The following LYPLA2 variants were observed in gnomAD, a reference collection of about 807,000 sequenced individuals.
The protein encoded by LYPLA2 is acyl-protein thioesterase 2.
Under a neutral mutation model 30.3 loss-of-function variants are expected in LYPLA2, and 7 were observed. That is an observed-to-expected ratio of 0.23 (90% CI 0.13 to 0.43). The LOEUF is 0.43. Ranked by LOEUF, LYPLA2 falls within the 20% of genes least tolerant of loss-of-function variation. The pLI, the probability that LYPLA2 is intolerant of heterozygous loss-of-function variation, is 1.00. For missense variants in LYPLA2, 206 were observed against 307.9 expected (o/e 0.67, Z 2.48); for synonymous variants, 112 against 118.2 (o/e 0.95, Z 0.34).
rs377182145 is a variant in LYPLA2 at position 23,793,091 on chromosome 1, G to A, written c.110+52G>A. The A allele has an allele frequency of 1.9e-5, 31 of 1,613,304 alleles. No individual in the cohort carries two copies. The South Asian group carries it at 2.0e-4, about 10-fold the overall frequency. On this transcript the variant is annotated intron_variant, in intron 3 of 9. Coordinates refer to ENST00000374514, the MANE Select transcript of LYPLA2 (RefSeq NM_007260.3). This position sits in a 1 kb window ranked among gnomAD's most constrained non-coding sequence, Gnocchi z 6.0. The stretch of plus-strand genomic sequence containing the variant: ...TAAGGAGGGGTCCTGGCCCAGCAGC[G>A]GACTGGAGAGGCCTTCTCTTCCTAC...
intron 1 of LYPLA2, among the ~76,000 whole-genome samples, chr1:23,791,806 G>A (rs1638798104): frequency 1.3e-5 from 2 of 152,182 alleles, no homozygotes; most frequent in Non-Finnish European, 2.9e-5. Flanking sequence ...CGATCCCATT[G>A]TGGGGAGCTG....
At position 23,792,996 on chromosome 1, in the gene LYPLA2, A is replaced by G; in HGVS notation, c.79-12A>G. 6.2e-7 allele frequency: 1 copy of G among 1,611,394 alleles called. No individual in the cohort carries two copies. Among genetic ancestry groups the G allele is most frequent in the Non-Finnish European group, 8.5e-7 (1 of 1,178,458 alleles). ...AAGCCTTCCTGTCTCCCCATTTCCC[A>G]TCCTTTTCCAGGTTATTTTTTTACA... On this transcript the variant is annotated splice_polypyrimidine_tract_variant and intron_variant, in intron 2 of 9. Transcript: ENST00000374514.
At chr1:23,791,598 T>C (rs1430086310) in intron 1 of LYPLA2, among the ~76,000 whole-genome samples, 2 of 152,022 alleles carry the variant, frequency 1.3e-5, no homozygotes, top group African/African-American at 4.8e-5. Flanking sequence ...AAGTTCCCAT[T>C]GTGGGGAGCG....
rs375793667 is a variant in LYPLA2 at position 23,792,500 on chromosome 1, ACTT to A, written c.-26-151_-26-149del. On this transcript the variant is annotated intron_variant, in intron 1 of 9. Transcript: ENST00000374514. ...CCTTTCAGCCCTGGAACTGAGGCAG[ACTT>A]CTTCTCCTGTGCCCTGGGACTTCTT... 299 of 609,608 alleles carry A rather than the reference ACTT, an allele frequency of 4.9e-4. 1 individual carries two copies. The highest frequency in any genetic ancestry group is 4.8e-3 in the African/African-American group (259 of 53,970). The allele number at this position is 609,608 out of a possible 1,614,324, so 37.8% of individuals were successfully genotyped here.
At position 23,793,649 on chromosome 1, in the gene LYPLA2, C is replaced by T; in HGVS notation, c.177-56C>T. The stretch of plus-strand genomic sequence containing the variant: ...GCGCGGCCCCACTCCGGGCTCTGAG[C>T]TCTGGCCTCCTCATTCCTCCTGAGC... On this transcript the variant is annotated intron_variant, in intron 4 of 9. Transcript: ENST00000374514. This position sits in a 1 kb window ranked among gnomAD's most constrained non-coding sequence, Gnocchi z 6.0. The T allele has an allele frequency of 6.3e-7, 1 of 1,578,498 alleles. No individual in the cohort carries two copies. The highest frequency in any genetic ancestry group is 8.7e-7 in the Non-Finnish European group (1 of 1,147,734).
In LYPLA2 at chr1:23,793,886, A is replaced by C. The variant is rs761691670; in HGVS notation, c.251A>C (p.Asp84Ala). 1 of 1,613,976 alleles carries C rather than the reference A, an allele frequency of 6.2e-7. No homozygotes were observed. The highest frequency in any genetic ancestry group is 1.7e-5 in the Admixed American group (1 of 59,998). The change falls in exon 6 of 10, where the codon GAT (aspartate) becomes GCT (alanine). Residue 84 changes from aspartate (D) to alanine (A), a missense_variant. Physicochemically the swap from Asp to Ala is moderately radical, Grantham distance 126. Transcript: ENST00000374514. This position sits in a 1 kb window ranked among gnomAD's most constrained non-coding sequence, Gnocchi z 6.0. ...SWFDLMGLSPDAPEDEAGIKK... is the reference protein window; with the variant it reads ...SWFDLMGLSPAAPEDEAGIKK... ...TTTGACCTGATGGGGCTGAGTCCAG[A>C]TGCCCCAGAGGACGAGGCTGGCATC...
chr1:23,794,131 T>A lies in LYPLA2; in HGVS notation c.364T>A (p.Ser122Thr). 1.2e-6 allele frequency: 1 copy of A among 863,086 alleles called. No individual in the cohort carries two copies. The highest frequency in any genetic ancestry group is 1.8e-6 in the Non-Finnish European group (1 of 563,440). The allele number at this position is 863,086 out of a possible 1,614,324, so 53.5% of individuals were successfully genotyped here. The change falls in exon 7 of 10, where the codon TCA becomes ACA. Residue 122 changes from serine to threonine, a missense_variant. Physicochemically the swap from Ser to Thr is moderately conservative, Grantham distance 58. Transcript: ENST00000374514. This position sits in a 1 kb window ranked among gnomAD's most constrained non-coding sequence, Gnocchi z 5.9. Reference sequence around the variant, plus strand: ...CAATCGAATCGTCCTGGGAGGCTTTTCACAGGTGAGGGGAGAGGGGTGGGG... The same window carrying A: ...CAATCGAATCGTCCTGGGAGGCTTTACACAGGTGAGGGGAGAGGGGTGGGG... ...PANRIVLGGF[S>T]QGGALSLYTA...
At position 23,794,014 on chromosome 1, in the gene LYPLA2, T is replaced by A. The variant is rs1165256010; in HGVS notation, c.296-49T>A. 1 of 1,592,504 alleles carries A rather than the reference T, an allele frequency of 6.3e-7. No homozygotes were observed. The highest frequency in any genetic ancestry group is 2.2e-5 in the East Asian group (1 of 44,770). On this transcript the variant is annotated intron_variant, in intron 6 of 9. Coordinates refer to ENST00000374514, the MANE Select transcript of LYPLA2 (RefSeq NM_007260.3). This position sits in a 1 kb window ranked among gnomAD's most constrained non-coding sequence, Gnocchi z 5.9. ...GCGGTTCCTCAGCCTAGCTCCCTTATTGGGCCCCTTGGCAGCTTCCCTCTA... is the reference window on the plus strand; with the variant it reads ...GCGGTTCCTCAGCCTAGCTCCCTTAATGGGCCCCTTGGCAGCTTCCCTCTA...
In LYPLA2 at chr1:23,792,730, C is replaced by T. The variant is rs1046782233; in HGVS notation, c.48C>T (p.Thr16=). The change falls in exon 2 of 10, where the codon ACC becomes ACT. Residue 16 remains threonine (T), a synonymous_variant. Transcript: ENST00000374514. ...TGCCCCTGCTCACCGATGCTGCCAC[C>T]GTGTCTGGAGCTGAGCGGGAAACGG... ...MSVPLLTDAA[T]VSGAERETAA... The T allele has an allele frequency of 7.4e-6, 12 of 1,612,366 alleles. No homozygotes were observed. The highest frequency in any genetic ancestry group is 1.3e-5 in the African/African-American group (1 of 74,876).
rs755835702 is a variant in LYPLA2 at position 23,793,661 on chromosome 1, C to T, written c.177-44C>T. ...TCCGGGCTCTGAGCTCTGGCCTCCT[C>T]ATTCCTCCTGAGCATGATGGGCCCT... On this transcript the variant is annotated intron_variant, in intron 4 of 9. Coordinates refer to ENST00000374514, the MANE Select transcript of LYPLA2 (RefSeq NM_007260.3). The surrounding 1 kb of genome is among the most constrained non-coding windows in gnomAD (Gnocchi z 6.0). 6.9e-6 allele frequency: 11 copies of T among 1,602,084 alleles called. No homozygotes were observed. Among genetic ancestry groups the T allele is most frequent in the African/African-American group, 5.4e-5 (4 of 74,678 alleles).
rs747318475 is a variant in LYPLA2 at position 23,793,228 on chromosome 1, C to T, written c.176+12C>T. The T allele has an allele frequency of 6.2e-7, 1 of 1,612,806 alleles. No homozygotes were observed. The highest frequency in any genetic ancestry group is 1.1e-5 in the South Asian group (1 of 91,040). On this transcript the variant is annotated intron_variant, in intron 4 of 9. Transcript: ENST00000374514. This position sits in a 1 kb window ranked among gnomAD's most constrained non-coding sequence, Gnocchi z 6.0. The stretch of plus-strand genomic sequence containing the variant: ...ATCTGTCCCCATGCGTGAGTGTCAC[C>T]CCAGCAAGGGAGGGGCTGAGGCTGG...
chr1:23,792,758 G>A lies in LYPLA2; in HGVS notation c.76G>A (p.Ala26Thr), dbSNP rs532586375. 1.2e-5 allele frequency: 20 copies of A among 1,612,216 alleles called. No homozygotes were observed. Among genetic ancestry groups the A allele is most frequent in the African/African-American group, 1.1e-4 (8 of 74,996 alleles). The stretch of plus-strand genomic sequence containing the variant: ...GTCTGGAGCTGAGCGGGAAACGGCC[G>A]CGGTAAGGGTCCCCTTTCACCCACG... ...TVSGAERETA[A>T]VIFLHGLGDT... The change falls in exon 2 of 10, where the codon GCG (alanine) becomes ACG (threonine). Residue 26 changes from alanine (A) to threonine (T), a missense_variant and splice_region_variant. Coordinates refer to ENST00000374514, the MANE Select transcript of LYPLA2 (RefSeq NM_007260.3).
chr1:23,791,415 G>A (rs1297984959), intron 1 of LYPLA2, among the ~76,000 whole-genome samples, 165 bp downstream of exon 1: 2 of 152,090 alleles, frequency 1.3e-5, no homozygotes, highest in Non-Finnish European at 2.9e-5. Context: ...GCGGGGCTAG[G>A]CAAGGGGGTG....
rs1400496833 is a variant in LYPLA2, at chr1:23,794,208, T to C, written c.370-16T>C. On this transcript the variant is annotated splice_polypyrimidine_tract_variant and intron_variant, in intron 7 of 9. Transcript: ENST00000374514. The surrounding 1 kb of genome is among the most constrained non-coding windows in gnomAD (Gnocchi z 5.9). The stretch of plus-strand genomic sequence containing the variant: ...GTGAGCTGTGCCCTCATGACCCCTC[T>C]CTCTCCTCCCTCCAGGGCGGGGCCC... The C allele has an allele frequency of 1.2e-6, 2 of 1,602,268 alleles. No individual in the cohort carries two copies. The highest frequency in any genetic ancestry group is 1.7e-6 in the Non-Finnish European group (2 of 1,173,922).
In LYPLA2 at chr1:23,792,769, C is replaced by A. The variant is rs768582931; in HGVS notation, c.78+9C>A. On this transcript the variant is annotated intron_variant, in intron 2 of 9. Coordinates refer to ENST00000374514, the MANE Select transcript of LYPLA2 (RefSeq NM_007260.3). ...AGCGGGAAACGGCCGCGGTAAGGGT[C>A]CCCTTTCACCCACGGCCAGACACTG... 1.9e-5 allele frequency: 31 copies of A among 1,608,786 alleles called. No individual in the cohort carries two copies. The highest frequency in any genetic ancestry group is 2.0e-5 in the Non-Finnish European group (23 of 1,176,272).
rs1183204969 is a variant in LYPLA2, at chr1:23,794,327, T to TA, written c.471+2_471+3insA. On this transcript the variant is annotated splice_region_variant and intron_variant, in intron 8 of 9. Transcript: ENST00000374514. This position sits in a 1 kb window ranked among gnomAD's most constrained non-coding sequence, Gnocchi z 5.9. ...CCTCTGCACCGGGCCTTCCCCCAGG[T>TA]GAATGTCCCCACTGACCCCCCCGCC... The TA allele has an allele frequency of 6.2e-7, 1 of 1,608,794 alleles. No individual in the cohort carries two copies. Among genetic ancestry groups the TA allele is most frequent in the East Asian group, 2.2e-5 (1 of 44,790 alleles).
chr1:23,793,746 C>T lies in LYPLA2; in HGVS notation c.218C>T (p.Pro73Leu). 6.2e-7 allele frequency: 1 copy of T among 1,614,038 alleles called. No homozygotes were observed. The highest frequency in any genetic ancestry group is 8.5e-7 in the Non-Finnish European group (1 of 1,179,962). Residue 73 changes from proline to leucine, a missense_variant, in exon 5 of 10, where the codon CCC becomes CTC. Physicochemically the swap from Pro to Leu is moderately conservative, Grantham distance 98. Coordinates refer to ENST00000374514, the MANE Select transcript of LYPLA2 (RefSeq NM_007260.3). The surrounding 1 kb of genome is among the most constrained non-coding windows in gnomAD (Gnocchi z 6.0). Reference sequence around the variant, plus strand: ...ACCCTCAACATGAAGATGGTGATGCCCTCCTGGTGAGTTTGGGAGTGGGGG... The same window carrying T: ...ACCCTCAACATGAAGATGGTGATGCTCTCCTGGTGAGTTTGGGAGTGGGGG... ...PVTLNMKMVM[P>L]SWFDLMGLSP... is the part of the protein sequence containing the mutation.
In LYPLA2 at chr1:23,795,220, T is replaced by C; in HGVS notation, c.*488T>C. ...CATGGCCCCGGGGTCCCCTTGCTGC[T>C]GTGGGCTCCCTGTCCCTGGGCAGGA... is the stretch of plus-strand genomic sequence containing the variant. On this transcript the variant is annotated 3_prime_UTR_variant, in exon 10 of 10. Transcript: ENST00000374514. 1 of 290,832 alleles carries C rather than the reference T, an allele frequency of 3.4e-6. No individual in the cohort carries two copies. The highest frequency in any genetic ancestry group is 6.8e-6 in the Non-Finnish European group (1 of 146,052). 18.0% of individuals were successfully genotyped at this position (290,832 alleles called of 1,614,324 possible).
Position 23,793,683 on chromosome 1 carries a change from C to T in LYPLA2, c.177-22C>T. On this transcript the variant is annotated intron_variant, in intron 4 of 9. Transcript: ENST00000374514. The surrounding 1 kb of genome is among the most constrained non-coding windows in gnomAD (Gnocchi z 6.0). Reference sequence around the variant, plus strand: ...CCTCATTCCTCCTGAGCATGATGGGCCCTCTGGCTCTCTTTCCCCAGGCCT... The same window carrying T: ...CCTCATTCCTCCTGAGCATGATGGGTCCTCTGGCTCTCTTTCCCCAGGCCT... The T allele has an allele frequency of 6.2e-7, 1 of 1,613,284 alleles. No individual in the cohort carries two copies. The highest frequency in any genetic ancestry group is 8.5e-7 in the Non-Finnish European group (1 of 1,179,252).
Sources: gnomAD v4.1 joint callset for allele counts (sites outside exome capture counted in the v4.1 genomes callset) on GRCh38, gnomAD v4.1.1 for gene constraint, Gnocchi (gnomAD v3.1) non-coding constraint, MANE v1.5 for transcripts, NCBI Gene and HGNC (gene_info 2026-07-23, HGNC 2026-07-21) for gene names.